DPCD: variants seen among roughly 807,000 people sequenced by gnomAD.
The protein encoded by DPCD is deleted in primary ciliary dyskinesia homolog (mouse).
Under a neutral mutation model 26.4 loss-of-function variants are expected in DPCD, and 20 were observed. That is an observed-to-expected ratio of 0.76 (90% CI 0.53 to 1.10). The LOEUF (loss-of-function observed/expected upper bound fraction) is 1.10, where lower values mean the gene tolerates loss of function less well. DPCD is among the 50% of genes least tolerant of loss of function. DPCD has a pLI of 0.00. For missense variants in DPCD, 202 were observed against 253.9 expected (o/e 0.80, Z 1.39); for synonymous variants, 97 against 94.2 (o/e 1.03, Z -0.17).
At position 101,600,186 on chromosome 10, in the gene DPCD, GTTTT is replaced by G. The variant is rs1178444798; in HGVS notation, c.146-548_146-545del. Among the ~76,000 whole-genome samples the G allele has an allele frequency of 6.6e-6, 1 of 151,864 alleles. No individual in the cohort carries two copies. Among genetic ancestry groups the G allele is most frequent in the Non-Finnish European group, 1.5e-5 (1 of 67,954 alleles). On this transcript the variant is annotated intron_variant, in intron 2 of 5. Coordinates refer to ENST00000370151, the MANE Select transcript of DPCD (RefSeq NM_015448.3). The surrounding 1 kb of genome is among the most constrained non-coding windows in gnomAD (Gnocchi z 4.7). ...TTTTGTTTAAATGCAGCTTTGGAGC[GTTTT>G]TTTGTTTTTGCTTTTTTCTTTTTTT...
At chr10:101,599,589 T>C (rs1328971911) in intron 2 of DPCD, among the ~76,000 whole-genome samples, 2 of 152,234 alleles carry the variant, frequency 1.3e-5, no homozygotes, top group Non-Finnish European at 2.9e-5. Flanking sequence ...TTGTGTGCCT[T>C]ACTTATACCG....
At position 101,600,431 on chromosome 10, in the gene DPCD, C is replaced by T. The variant is rs1352191034; in HGVS notation, c.146-307C>T. ...CTTCACATCTTCTCCTTGCTTGAAG[C>T]CACACCTGAGGGTTTCTTGACTCCA... On this transcript the variant is annotated intron_variant, in intron 2 of 5. Coordinates refer to ENST00000370151, the MANE Select transcript of DPCD (RefSeq NM_015448.3). The surrounding 1 kb of genome is among the most constrained non-coding windows in gnomAD (Gnocchi z 4.7). Among the ~76,000 whole-genome samples, 3 of 152,164 alleles carry T rather than the reference C, an allele frequency of 2.0e-5. No individual in the cohort carries two copies. Among genetic ancestry groups the T allele is most frequent in the African/African-American group, 7.2e-5 (3 of 41,424 alleles).
chr10:101,590,062 GGAAAA>G (rs1251191672), intron 1 of DPCD, among the ~76,000 whole-genome samples: 27 of 113,806 alleles, frequency 2.4e-4, no homozygotes, highest in African/African-American at 8.5e-4. Flanking sequence ...CAAAAAAACT[GGAAAA>G]AAAAAAAAAA....
chr10:101,609,555 G>A lies in DPCD; in HGVS notation c.*84G>A. ...CCCTTCTTGACCACGGCAGCCTCCT[G>A]TCTTCTAGGAGCTATCAAGGGTCTC... On this transcript the variant is annotated 3_prime_UTR_variant, in exon 6 of 6. Transcript: ENST00000370151. The A allele has an allele frequency of 1.6e-6, 2 of 1,221,276 alleles. No homozygotes were observed. The highest frequency in any genetic ancestry group is 2.7e-5 in the South Asian group (2 of 75,204). The allele number at this position is 1,221,276 out of a possible 1,614,324, so 75.7% of individuals were successfully genotyped here. A position where few individuals can be genotyped will look rare whatever the true frequency, so the allele number is the denominator to read the frequency against.
chr10:101,607,278 G>T (rs1427902727), intron 4 of DPCD, among the ~76,000 whole-genome samples: 2 of 152,190 alleles, frequency 1.3e-5, no homozygotes, highest in East Asian at 3.8e-4. Context: ...CACCTTTGCT[G>T]GCCAGACCAA....
chr10:101,607,982 G>A (rs534655150), intron 4 of DPCD, among the ~76,000 whole-genome samples: 11 of 152,308 alleles, frequency 7.2e-5, no homozygotes, highest in Admixed American at 5.9e-4. Flanking sequence ...ACAACTGGCC[G>A]TGAAACAAGG....
intron 2 of DPCD, among the ~76,000 whole-genome samples, chr10:101,598,543 G>A (rs1324958835): frequency 6.8e-6 from 1 of 147,726 alleles, no homozygotes; most frequent in Non-Finnish European, 1.5e-5. Context: ...GGCAAGGGTT[G>A]AAAGAGAGCA....
chr10:101,604,595 AC>A (rs2063720927), intron 4 of DPCD, among the ~76,000 whole-genome samples: 1 of 152,220 alleles, frequency 6.6e-6, no homozygotes, highest in Non-Finnish European at 1.5e-5. Context: ...CCAGTGTTGG[AC>A]CATCTATTCC....
chr10:101,592,651 C>T (rs780594491), intron 1 of DPCD, among the ~76,000 whole-genome samples: 9 of 150,320 alleles, frequency 6.0e-5, no homozygotes, highest in Non-Finnish European at 1.2e-4. Context: ...GCCCAGGAGG[C>T]AGAGGTTGCA....
At position 101,600,065 on chromosome 10, in the gene DPCD, G is replaced by A. The variant is rs944355472; in HGVS notation, c.146-673G>A. On this transcript the variant is annotated intron_variant, in intron 2 of 5. Coordinates refer to ENST00000370151, the MANE Select transcript of DPCD (RefSeq NM_015448.3). The surrounding 1 kb of genome is among the most constrained non-coding windows in gnomAD (Gnocchi z 4.7). ...GGGTTATGAAACAAGGTAAAATAGA[G>A]ATGGTTATTTGCATTCTAGAAGGAT... 6.6e-6 allele frequency among the ~76,000 whole-genome samples: 1 copy of A among 152,236 alleles called. No individual in the cohort carries two copies. The highest frequency in any genetic ancestry group is 1.5e-5 in the Non-Finnish European group (1 of 68,042).
intron 5 of DPCD, 137 bp from the exon 6 acceptor site, chr10:101,609,230 G>A: frequency 1.2e-6 from 1 of 820,992 alleles, no homozygotes; most frequent in Non-Finnish European, 1.9e-6. Context: ...ACATGACCTT[G>A]AGCAAATCAT....
Position 101,603,259 on chromosome 10 carries a change from G to A in DPCD, c.404+1923G>A, listed in dbSNP as rs926720486. 5.3e-5 allele frequency among the ~76,000 whole-genome samples: 8 copies of A among 152,116 alleles called. No individual in the cohort carries two copies. Among genetic ancestry groups the A allele is most frequent in the Non-Finnish European group, 1.0e-4 (7 of 68,016 alleles). ...AGGCCGCTGAACCCTTAGCCAGATC[G>A]TTCCCGAACCTAGTGGCATTTTTAC... On this transcript the variant is annotated intron_variant, in intron 4 of 5. Coordinates refer to ENST00000370151, the MANE Select transcript of DPCD (RefSeq NM_015448.3). The surrounding 1 kb of genome is among the most constrained non-coding windows in gnomAD (Gnocchi z 4.6).
Position 101,600,129 on chromosome 10 carries a change from CCGTG to C in DPCD, c.146-607_146-604del, listed in dbSNP as rs757541733. On this transcript the variant is annotated intron_variant, in intron 2 of 5. Transcript: ENST00000370151. This position sits in a 1 kb window ranked among gnomAD's most constrained non-coding sequence, Gnocchi z 4.7. ...AAATTCACATTAGATCTTTTATAAACCGTGCATTTAAAATATGGCATGTGCCTAC... is the reference window on the plus strand; with the variant it reads ...AAATTCACATTAGATCTTTTATAAACCATTTAAAATATGGCATGTGCCTAC... Among the ~76,000 whole-genome samples the C allele has an allele frequency of 1.2e-3, 188 of 152,310 alleles. No individual in the cohort carries two copies. The highest frequency in any genetic ancestry group is 2.3e-3 in the Non-Finnish European group (156 of 68,020).
chr10:101,597,536 A>C (rs2063662556), intron 2 of DPCD, among the ~76,000 whole-genome samples: 2 of 152,194 alleles, frequency 1.3e-5, no homozygotes, highest in Admixed American at 6.5e-5. Context: ...GCCTCCTTTC[A>C]GCAGTCTGGG....
chr10:101,595,313 G>A (rs1247980452), intron 2 of DPCD, among the ~76,000 whole-genome samples: 2 of 152,188 alleles, frequency 1.3e-5, no homozygotes, highest in African/African-American at 4.8e-5. Flanking sequence ...ATGGGTAGGG[G>A]CTCCAGCTCA....
Position 101,608,889 on chromosome 10 carries a change from T to G in DPCD, c.459T>G (p.Asp153Glu). The stretch of plus-strand genomic sequence containing the variant: ...TAGATAGACACCAGCTACCTCTGGA[T>G]GACGCCTTGCTGAGCTTTGCCCACG... ...PDLDRHQLPL[D>E]DALLSFAHAN... The change falls in exon 5 of 6, where the codon GAT (aspartate) becomes GAG (glutamate). Residue 153 changes from aspartate (D) to glutamate (E), a missense_variant. Coordinates refer to ENST00000370151, the MANE Select transcript of DPCD (RefSeq NM_015448.3). The G allele has an allele frequency of 6.2e-7, 1 of 1,613,890 alleles. No individual in the cohort carries two copies. The highest frequency in any genetic ancestry group is 8.5e-7 in the Non-Finnish European group (1 of 1,179,948).
chr10:101,608,190 G>C (rs540200379), intron 4 of DPCD, among the ~76,000 whole-genome samples: 1 of 152,272 alleles, frequency 6.6e-6, no homozygotes, highest in East Asian at 1.9e-4. Context: ...AAATGGAGGA[G>C]TAGGGACTTG....
At chr10:101,592,850 C>A (rs184159774) in intron 1 of DPCD, among the ~76,000 whole-genome samples, 1 of 151,964 alleles carries the variant, frequency 6.6e-6, no homozygotes, top group East Asian at 1.9e-4. Flanking sequence ...CCTGTGTCTA[C>A]TAAAAATACA....
intron 1 of DPCD, among the ~76,000 whole-genome samples, chr10:101,593,995 A>G (rs2063631738): frequency 6.6e-6 from 1 of 152,184 alleles, no homozygotes; most frequent in South Asian, 2.1e-4. Flanking sequence ...GCAGTAATCA[A>G]AGAGTCACAT....
Sources: allele counts gnomAD v4.1 joint callset (sites outside exome capture counted in the v4.1 genomes callset), GRCh38; gene constraint gnomAD v4.1.1; non-coding constraint Gnocchi (gnomAD v3.1); transcripts MANE v1.5; gene names NCBI Gene and HGNC (gene_info 2026-07-23, HGNC 2026-07-21).